The following TMX4 variants were observed in gnomAD, a reference collection of about 807,000 sequenced individuals.
The protein encoded by TMX4 is thioredoxin related transmembrane protein 4.
TMX4 carries 23 observed loss-of-function variants against 33.3 expected under a neutral mutation model. The ratio of observed to expected loss-of-function variants is 0.69; its 90% CI spans 0.50 to 0.98. TMX4 has a LOEUF of 0.98. Ranked by LOEUF, TMX4 falls within the 50% of genes least tolerant of loss-of-function variation. TMX4 has a pLI of 0.00. For missense variants in TMX4, 399 were observed against 448.9 expected (o/e 0.89, Z 1.01); for synonymous variants, 164 against 161.5 (o/e 1.02, Z -0.12).
intron 3 of TMX4, 131 bp from the exon 4 acceptor site, chr20:7,999,991 A>G (rs1222803453): frequency 7.8e-6 from 7 of 902,556 alleles, no homozygotes; most frequent in Non-Finnish European, 1.1e-5. Flanking sequence ...ATTGAAAAAT[A>G]TACATAGAGA....
At chr20:8,017,719 T>G (rs1252326203) in intron 1 of TMX4, among the ~76,000 whole-genome samples, 1 of 152,220 alleles carries the variant, frequency 6.6e-6, no homozygotes, top group African/African-American at 2.4e-5. Context: ...AAAAGAGAAC[T>G]TTCTGTAGTA....
intron 1 of TMX4, among the ~76,000 whole-genome samples, chr20:8,013,078 G>C (rs1243314492): frequency 2.6e-5 from 4 of 152,088 alleles, no homozygotes; most frequent in Non-Finnish European, 5.9e-5. Context: ...AATATCTCCA[G>C]GGACAAAATG....
At chr20:7,999,144 G>A (rs529559971) in intron 4 of TMX4, among the ~76,000 whole-genome samples, 1 of 152,016 alleles carries the variant, frequency 6.6e-6, no homozygotes, top group African/African-American at 2.4e-5. Context: ...TCTTACACTT[G>A]TATATACTAA....
chr20:7,998,535 T>G (rs1305258922), intron 4 of TMX4, among the ~76,000 whole-genome samples: 1 of 152,134 alleles, frequency 6.6e-6, no homozygotes, highest in Non-Finnish European at 1.5e-5. Context: ...CACCTTCTCC[T>G]TGTGTGTGCT....
chr20:7,983,182 C>T (rs918586339), intron 7 of TMX4, among the ~76,000 whole-genome samples: 1 of 152,124 alleles, frequency 6.6e-6, no homozygotes, highest in African/African-American at 2.4e-5. Context: ...TTCCTAAAAT[C>T]CTTGATATTG....
At chr20:7,999,594 G>T in intron 4 of TMX4, 138 bp downstream of exon 4, 1 of 961,486 alleles carries the variant, frequency 1.0e-6, no homozygotes, top group Non-Finnish European at 1.5e-6. Context: ...ATACTGCATG[G>T]GCTAAGCATG....
rs373472571 is a variant in TMX4 at position 7,982,398 on chromosome 20, G to A, written c.903C>T (p.Pro301=). 6 of 1,613,960 alleles carry A rather than the reference G, an allele frequency of 3.7e-6. No homozygotes were observed. Among genetic ancestry groups the A allele is most frequent in the Non-Finnish European group, 5.1e-6 (6 of 1,179,998 alleles). The change falls in exon 8 of 8, where the codon CCC becomes CCT. Residue 301 remains proline (P), a synonymous_variant. Transcript: ENST00000246024. ...EERSEANDQG[P]PGEDGVTREE... ...CCCGGGTCACACCGTCCTCTCCTGG[G>A]GGCCCCTGATCATTGGCCTCACTTC...
At chr20:8,013,009 T>G (rs1449374368) in intron 1 of TMX4, among the ~76,000 whole-genome samples, 1 of 152,198 alleles carries the variant, frequency 6.6e-6, no homozygotes, top group Non-Finnish European at 1.5e-5. Flanking sequence ...TTTAAAGTTT[T>G]TAATATTCTT....
intron 5 of TMX4, among the ~76,000 whole-genome samples, chr20:7,987,716 A>G (rs947056367): frequency 1.2e-4 from 18 of 152,114 alleles, no homozygotes; most frequent in Non-Finnish European, 2.5e-4. Flanking sequence ...ATGTTTACTT[A>G]TAATAGGGCA....
intron 5 of TMX4, among the ~76,000 whole-genome samples, chr20:7,994,841 T>C (rs1182260443): frequency 1.3e-5 from 2 of 152,180 alleles, no homozygotes; most frequent in Non-Finnish European, 2.9e-5. Flanking sequence ...TTGCAATTCA[T>C]AATTCTTAGC....
intron 2 of TMX4, among the ~76,000 whole-genome samples, chr20:8,006,569 G>C (rs758097130): frequency 3.3e-5 from 5 of 152,138 alleles, no homozygotes; most frequent in Non-Finnish European, 7.4e-5. Flanking sequence ...CAAGACGTTA[G>C]TGTTTGTAAA....
intron 3 of TMX4, 61 bp downstream of exon 3, chr20:8,001,435 T>C (rs918648358): frequency 6.7e-7 from 1 of 1,498,750 alleles, no homozygotes; most frequent in Non-Finnish European, 9.1e-7. Context: ...CAACTTAGAA[T>C]TCCTGGTACA....
At chr20:8,012,587 G>C (rs546555022) in intron 1 of TMX4, among the ~76,000 whole-genome samples, 5 of 152,116 alleles carry the variant, frequency 3.3e-5, no homozygotes, top group Admixed American at 3.3e-4. Context: ...CAAGAATAAG[G>C]AAGTTATCTT....
intron 2 of TMX4, among the ~76,000 whole-genome samples, chr20:8,007,398 C>T (rs2050735367): frequency 6.6e-6 from 1 of 152,192 alleles, no homozygotes; most frequent in Admixed American, 6.5e-5. Context: ...CTCTGGACTA[C>T]TGATTTACCT....
intron 5 of TMX4, among the ~76,000 whole-genome samples, chr20:7,995,210 C>T (rs2050670980): frequency 1.3e-5 from 2 of 152,070 alleles, no homozygotes; most frequent in African/African-American, 4.8e-5. Flanking sequence ...AACATGACAC[C>T]ATAACCTACA....
chr20:8,019,272 G>T, intron 1 of TMX4, 166 bp downstream of exon 1: 1 of 805,810 alleles, frequency 1.2e-6, no homozygotes, highest in Non-Finnish European at 1.8e-6. Flanking sequence ...CGGCAGTGCA[G>T]GATCGCAAGC....
intron 1 of TMX4, among the ~76,000 whole-genome samples, chr20:8,018,447 A>G (rs1555779525): frequency 7.8e-4 from 19 of 24,494 alleles, no homozygotes; most frequent in African/African-American, 2.8e-3. Flanking sequence ...AGAGAGAGAG[A>G]GGGGGAGGGA....
chr20:8,001,793 G>A (rs1351877045), intron 2 of TMX4, among the ~76,000 whole-genome samples: 2 of 151,942 alleles, frequency 1.3e-5, no homozygotes, highest in Non-Finnish European at 2.9e-5. Context: ...TGCAAACTGG[G>A]GTTTTGCAAA....
chr20:7,992,529 TCA>T (rs2050659529), intron 5 of TMX4, among the ~76,000 whole-genome samples: 1 of 152,206 alleles, frequency 6.6e-6, no homozygotes, highest in African/African-American at 2.4e-5. Flanking sequence ...AGGAACTGCC[TCA>T]TAAGACTATT....
Sources: gnomAD v4.1 joint callset for allele counts (sites outside exome capture counted in the v4.1 genomes callset) on GRCh38, gnomAD v4.1.1 for gene constraint, MANE v1.5 for transcripts, NCBI Gene and HGNC (gene_info 2026-07-23, HGNC 2026-07-21) for gene names.